The following HPSE2 variants were observed in gnomAD, a reference collection of about 807,000 sequenced individuals.
HPSE2 encodes heparanase 2 (inactive).
A neutral mutation model predicts 60.5 loss-of-function variants in HPSE2; 38 were observed. That is an observed-to-expected ratio of 0.63 (90% CI 0.48 to 0.82). The LOEUF is 0.82. Ranked by LOEUF, HPSE2 falls within the 40% of genes least tolerant of loss-of-function variation. HPSE2 has a pLI of 0.00. For synonymous variants in HPSE2, 295 were observed against 293.2 expected (o/e 1.01, Z -0.06); for missense variants, 713 against 740.4 (o/e 0.96, Z 0.43).
chr10:98,838,189 C>G (rs1312041105), intron 3 of HPSE2, among the ~76,000 whole-genome samples: 1 of 152,112 alleles, frequency 6.6e-6, no homozygotes, highest in African/African-American at 2.4e-5. Flanking sequence ...GTGAATCAGG[C>G]AGACCTGTGT....
intron 3 of HPSE2, among the ~76,000 whole-genome samples, chr10:99,112,686 G>C (rs979397662): frequency 2.0e-5 from 3 of 152,062 alleles, no homozygotes; most frequent in Non-Finnish European, 4.4e-5. Context: ...CCCTCACCCA[G>C]ATTATATGTG....
upstream of HPSE2, among the ~76,000 whole-genome samples, chr10:99,237,323 G>C (rs1189936297): frequency 6.6e-6 from 1 of 152,192 alleles, no homozygotes; most frequent in Non-Finnish European, 1.5e-5. Context: ...AAAATGCAGA[G>C]CAAGGGTTTT....
At chr10:98,778,836 T>C (rs933224330) in intron 3 of HPSE2, among the ~76,000 whole-genome samples, 8 of 152,216 alleles carry the variant, frequency 5.3e-5, no homozygotes, top group African/African-American at 1.9e-4. Flanking sequence ...GAACTTGCTA[T>C]GAATAAATTA....
At chr10:99,058,185 C>A (rs1958156174) in intron 3 of HPSE2, among the ~76,000 whole-genome samples, 1 of 152,176 alleles carries the variant, frequency 6.6e-6, no homozygotes, top group South Asian at 2.1e-4. Context: ...ACAGCTGGAG[C>A]ATCACACACA....
chr10:99,102,888 A>T (rs1589660237), intron 3 of HPSE2, among the ~76,000 whole-genome samples: 1 of 152,328 alleles, frequency 6.6e-6, no homozygotes, highest in East Asian at 1.9e-4. Context: ...AAACCACATG[A>T]TTATCTCAAC....
At chr10:99,000,274 G>A (rs561998351) in intron 3 of HPSE2, among the ~76,000 whole-genome samples, 2 of 152,064 alleles carry the variant, frequency 1.3e-5, no homozygotes, top group African/African-American at 4.8e-5. Flanking sequence ...TTAGAAGAAT[G>A]GAACCAAATT....
At chr10:99,016,803 G>T (rs1287074779) in intron 3 of HPSE2, among the ~76,000 whole-genome samples, 1 of 152,086 alleles carries the variant, frequency 6.6e-6, no homozygotes, top group African/African-American at 2.4e-5. Context: ...AATTGCGAAT[G>T]TGAGTTCATT....
At chr10:99,097,819 GAAT>G (rs758825777) in intron 3 of HPSE2, among the ~76,000 whole-genome samples, 31 of 152,158 alleles carry the variant, frequency 2.0e-4, no homozygotes, top group Non-Finnish European at 3.8e-4. Context: ...TACAGAAATT[GAAT>G]AATATGTCCA....
At chr10:99,315,889 A>G in the HPSE2 span, among the ~76,000 whole-genome samples, 2 of 152,102 alleles carry the variant, frequency 1.3e-5, no homozygotes, top group African/African-American at 4.8e-5. Context: ...GTCCCTCCCC[A>G]TTAGTCCCTC....
At chr10:99,081,235 G>A (rs976013987) in intron 3 of HPSE2, among the ~76,000 whole-genome samples, 3 of 152,192 alleles carry the variant, frequency 2.0e-5, no homozygotes, top group Middle Eastern at 3.2e-3. Flanking sequence ...ATGCATGTAT[G>A]AACTATAAAA....
At chr10:98,822,076 C>T (rs554388562) in intron 3 of HPSE2, among the ~76,000 whole-genome samples, 2 of 152,164 alleles carry the variant, frequency 1.3e-5, no homozygotes, top group East Asian at 3.9e-4. Flanking sequence ...TTTTAAAAAC[C>T]TTACTCAAAA....
intron 9 of HPSE2, among the ~76,000 whole-genome samples, chr10:98,597,831 C>T (rs1945285606): frequency 6.7e-6 from 1 of 149,842 alleles, no homozygotes; most frequent in East Asian, 2.0e-4. Context: ...ATTAGCTGGG[C>T]ATGGTGGTGC....
At chr10:99,109,321 A>G (rs1844368103) in intron 3 of HPSE2, among the ~76,000 whole-genome samples, 1 of 152,100 alleles carries the variant, frequency 6.6e-6, no homozygotes, top group Non-Finnish European at 1.5e-5. Flanking sequence ...TCAGGGTAAA[A>G]CTTGATTTCT....
At chr10:99,001,190 A>T (rs1481476242) in intron 3 of HPSE2, among the ~76,000 whole-genome samples, 2 of 152,136 alleles carry the variant, frequency 1.3e-5, no homozygotes, top group African/African-American at 4.8e-5. Flanking sequence ...ATATTGATAT[A>T]AGATTTATAT....
chr10:99,217,152 G>C (rs893607297), intron 2 of HPSE2, among the ~76,000 whole-genome samples: 37 of 151,262 alleles, frequency 2.4e-4, no homozygotes, highest in African/African-American at 7.8e-4. Context: ...TCTGCCTTTC[G>C]GTGAACATTT....
At chr10:98,703,415 C>T (rs1948463539) in intron 5 of HPSE2, among the ~76,000 whole-genome samples, 1 of 152,140 alleles carries the variant, frequency 6.6e-6, no homozygotes, top group African/African-American at 2.4e-5. Context: ...GGAGGGACTC[C>T]TCCCTAGCTC....
At chr10:99,305,966 C>CTAA in the HPSE2 span, among the ~76,000 whole-genome samples, 6 of 100,890 alleles carry the variant, frequency 5.9e-5, no homozygotes, top group Admixed American at 4.9e-4. Context: ...CACACACGCG[C>CTAA]GCGCGCGCGC....
At chr10:98,876,706 C>T (rs1247371454) in intron 3 of HPSE2, among the ~76,000 whole-genome samples, 1 of 151,816 alleles carries the variant, frequency 6.6e-6, no homozygotes, top group African/African-American at 2.4e-5. Context: ...TATGAATTTT[C>T]TTGCAAGCAG....
At chr10:98,690,434 G>C (rs1320490064) in intron 6 of HPSE2, among the ~76,000 whole-genome samples, 2 of 152,106 alleles carry the variant, frequency 1.3e-5, no homozygotes, top group Non-Finnish European at 2.9e-5. Flanking sequence ...CCAGCTACTC[G>C]GGAGGCTGAG....
Sources: gnomAD v4.1 joint callset for allele counts (sites outside exome capture counted in the v4.1 genomes callset) on GRCh38, gnomAD v4.1.1 for gene constraint, MANE v1.5 for transcripts, NCBI Gene and HGNC (gene_info 2026-07-23, HGNC 2026-07-21) for gene names.